Variants in ATRNL1 observed in about 807,000 individuals in gnomAD.
The protein encoded by ATRNL1 is attractin-like protein 1.
ATRNL1 carries 95 observed loss-of-function variants against 182.7 expected under a neutral mutation model. The observed-to-expected ratio is 0.52, with a 90% CI of 0.44 to 0.62. The LOEUF (loss-of-function observed/expected upper bound fraction) is 0.62, where lower values mean the gene tolerates loss of function less well. Ranked by LOEUF, ATRNL1 falls within the 20% of genes least tolerant of loss-of-function variation. ATRNL1 has a pLI of 0.00. For missense variants in ATRNL1, 1,471 were observed against 1,679.5 expected (o/e 0.88, Z 2.17); for synonymous variants, 576 against 568.3 (o/e 1.01, Z -0.19).
At chr10:115,910,721 G>A (rs1195246851) in intron 28 of ATRNL1, among the ~76,000 whole-genome samples, 3 of 152,168 alleles carry the variant, frequency 2.0e-5, no homozygotes, top group African/African-American at 7.2e-5. Context: ...CAAGTTAAAT[G>A]ACTACAGTGC....
intron 26 of ATRNL1, among the ~76,000 whole-genome samples, chr10:115,639,448 A>C (rs1859093565): frequency 6.6e-6 from 1 of 152,258 alleles, no homozygotes; most frequent in Admixed American, 6.5e-5. Flanking sequence ...AGTATAACCT[A>C]CATACCATTG....
At chr10:115,096,963 T>G (rs369335539) in intron 1 of ATRNL1, 1 of 331,650 alleles carries the variant, frequency 3.0e-6, no homozygotes, top group Non-Finnish European at 4.7e-6. Context: ...GTTGTATTTA[T>G]TTGAATAGTT....
intron 24 of ATRNL1, among the ~76,000 whole-genome samples, chr10:115,492,385 A>G (rs1554976766): frequency 6.6e-6 from 1 of 152,012 alleles, no homozygotes; most frequent in Non-Finnish European, 1.5e-5. Flanking sequence ...AATGTTTTGA[A>G]AAATTAGAGT....
In ATRNL1 at chr10:115,654,647, G is replaced by A. The variant is rs530604141; in HGVS notation, c.3796-72601G>A. Among the ~76,000 whole-genome samples the A allele has an allele frequency of 2.0e-5, 3 of 152,184 alleles. No individual in the cohort carries two copies. In the South Asian group the frequency reaches 6.2e-4, roughly 32 times the overall value. On this transcript the variant is annotated intron_variant, in intron 26 of 28. Coordinates refer to ENST00000355044, the MANE Select transcript of ATRNL1 (RefSeq NM_207303.4). ...TAAGTAAGACACTGTGTTTTATATAGCTCCTTTACTGTGCATGTTGTTGGT... is the reference window on the plus strand; with the variant it reads ...TAAGTAAGACACTGTGTTTTATATAACTCCTTTACTGTGCATGTTGTTGGT...
intron 19 of ATRNL1, among the ~76,000 whole-genome samples, chr10:115,359,142 G>T (rs1452408197): frequency 6.6e-6 from 1 of 151,488 alleles, no homozygotes; most frequent in Non-Finnish European, 1.5e-5. Context: ...GTGCCTCCAT[G>T]ATTATTACCA....
At chr10:115,713,577 CACTA>C (rs1947136081) in intron 26 of ATRNL1, among the ~76,000 whole-genome samples, 1 of 150,340 alleles carries the variant, frequency 6.7e-6, no homozygotes, top group East Asian at 2.0e-4. Context: ...TTAAGCCTAA[CACTA>C]ACCATTTAAA....
intron 19 of ATRNL1, among the ~76,000 whole-genome samples, chr10:115,355,865 T>C (rs1460260581): frequency 2.0e-5 from 3 of 152,242 alleles, no homozygotes; most frequent in African/African-American, 7.2e-5. Context: ...TAGGCTTATC[T>C]GATTTTCTTA....
At chr10:115,194,452 C>G (rs1848282836) in intron 8 of ATRNL1, among the ~76,000 whole-genome samples, 1 of 151,878 alleles carries the variant, frequency 6.6e-6, no homozygotes, top group African/African-American at 2.4e-5. Flanking sequence ...AACCTTGTCT[C>G]TTTTTGCAGT....
intron 28 of ATRNL1, among the ~76,000 whole-genome samples, chr10:115,920,281 T>G (rs546275598): frequency 1.4e-4 from 22 of 152,346 alleles, no homozygotes; most frequent in African/African-American, 4.8e-4. Flanking sequence ...AAACTCTGCC[T>G]TACCAGTTTA....
At chr10:115,217,536 A>G (rs1214550732) in intron 9 of ATRNL1, among the ~76,000 whole-genome samples, 1 of 152,210 alleles carries the variant, frequency 6.6e-6, no homozygotes, top group African/African-American at 2.4e-5. Context: ...AAGAGAGCAG[A>G]ATTGGATATT....
chr10:115,726,663 T>C (rs1947606398), intron 26 of ATRNL1, among the ~76,000 whole-genome samples: 2 of 152,222 alleles, frequency 1.3e-5, no homozygotes, highest in African/African-American at 4.8e-5. Flanking sequence ...TAATCATGCC[T>C]CATTTTGAAT....
rs201881263 is a variant in ATRNL1 at position 115,875,384 on chromosome 10, A to G, written c.4018+27393A>G. ...CTGTCATTGCCCAATTTGGGGAGGC[A>G]GTCCAGAGGGACTGGCCAGATCAGA... On this transcript the variant is annotated intron_variant, in intron 28 of 28. Coordinates refer to ENST00000355044, the MANE Select transcript of ATRNL1 (RefSeq NM_207303.4). Among the ~76,000 whole-genome samples the G allele has an allele frequency of 5.9e-5, 9 of 152,316 alleles. No individual in the cohort carries two copies. The East Asian group carries it at 1.7e-3, about 29-fold the overall frequency.
chr10:115,701,564 C>A (rs1280446737), intron 26 of ATRNL1, among the ~76,000 whole-genome samples: 1 of 151,782 alleles, frequency 6.6e-6, no homozygotes, highest in South Asian at 2.1e-4. Context: ...GGTAGATTAG[C>A]AAACAAACTG....
At chr10:115,530,238 A>C (rs1851487422) in intron 25 of ATRNL1, among the ~76,000 whole-genome samples, 1 of 152,206 alleles carries the variant, frequency 6.6e-6, no homozygotes, top group Admixed American at 6.5e-5. Flanking sequence ...TAAGTATATA[A>C]TTAGGAGTAG....
At chr10:115,200,511 A>C (rs1218954251) in intron 8 of ATRNL1, among the ~76,000 whole-genome samples, 4 of 149,688 alleles carry the variant, frequency 2.7e-5, no homozygotes, top group Non-Finnish European at 5.9e-5. Flanking sequence ...GTTTACTGAG[A>C]ATGATGATTT....
chr10:115,649,976 A>G (rs1157906062), intron 26 of ATRNL1, among the ~76,000 whole-genome samples: 1 of 152,164 alleles, frequency 6.6e-6, no homozygotes, highest in African/African-American at 2.4e-5. Context: ...TAAAAGCTCT[A>G]TTGTTATGAA....
chr10:115,851,121 AT>A (rs66505050), intron 28 of ATRNL1, among the ~76,000 whole-genome samples: 7 of 151,162 alleles, frequency 4.6e-5, no homozygotes, highest in African/African-American at 9.7e-5. Context: ...GCTTACTAAA[AT>A]TTTTTTTTTA....
intron 22 of ATRNL1, among the ~76,000 whole-genome samples, chr10:115,462,952 A>G (rs1431433925): frequency 1.3e-5 from 2 of 151,976 alleles, no homozygotes; most frequent in Non-Finnish European, 2.9e-5. Context: ...AATATCAACC[A>G]TAGGGTTTAT....
intron 26 of ATRNL1, among the ~76,000 whole-genome samples, chr10:115,650,224 C>T (rs2133878894): frequency 6.6e-6 from 1 of 152,138 alleles, no homozygotes; most frequent in Non-Finnish European, 1.5e-5. Flanking sequence ...CAGGATAAAT[C>T]AGTTCAATGA....
Sources: allele counts gnomAD v4.1 joint callset (sites outside exome capture counted in the v4.1 genomes callset), GRCh38; gene constraint gnomAD v4.1.1; transcripts MANE v1.5; gene names NCBI Gene and HGNC (gene_info 2026-07-23, HGNC 2026-07-21).